The following PXT1 variants were observed in gnomAD, a reference collection of about 807,000 sequenced individuals.
PXT1 encodes peroxisomal testis-specific protein 1.
PXT1 carries 11 observed loss-of-function variants against 11.0 expected under a neutral mutation model. That is an observed-to-expected ratio of 1.00 (90% CI 0.63 to 1.66). The LOEUF (loss-of-function observed/expected upper bound fraction) is 1.66. Among genes scored for constraint, PXT1 ranks in the 40% most tolerant of loss-of-function variants. The pLI, the probability that PXT1 is intolerant of heterozygous loss-of-function variation, is 0.00. For missense variants in PXT1, 141 were observed against 155.5 expected (o/e 0.91, Z 0.49); for synonymous variants, 43 against 51.4 (o/e 0.84, Z 0.70).
At chr6:36,393,969 A>G (rs1262247254) in intron 4 of PXT1, among the ~76,000 whole-genome samples, 1 of 152,202 alleles carries the variant, frequency 6.6e-6, no homozygotes, top group Non-Finnish European at 1.5e-5. Flanking sequence ...AGAGCCTGAC[A>G]TACAGCAGGT....
intron 2 of PXT1, among the ~76,000 whole-genome samples, chr6:36,436,009 T>G (rs1311680353): frequency 1.3e-5 from 2 of 151,758 alleles, no homozygotes; most frequent in African/African-American, 4.8e-5. Context: ...AAAACAAGAC[T>G]GTGCCATAAA....
At chr6:36,423,946 GGTT>G (rs1561931817) in intron 3 of PXT1, among the ~76,000 whole-genome samples, 1 of 152,164 alleles carries the variant, frequency 6.6e-6, no homozygotes, top group Non-Finnish European at 1.5e-5. Context: ...TTAGCTAGTG[GGTT>G]GTTAACTCTA....
At chr6:36,400,010 A>G (rs553368071) in intron 4 of PXT1, among the ~76,000 whole-genome samples, 1 of 152,290 alleles carries the variant, frequency 6.6e-6, no homozygotes, top group East Asian at 1.9e-4. Flanking sequence ...CAATTAAATC[A>G]GAATTTCTCC....
intron 4 of PXT1, among the ~76,000 whole-genome samples, chr6:36,399,588 T>C (rs1582247863): frequency 2.0e-5 from 3 of 152,304 alleles, no homozygotes; most frequent in Middle Eastern, 6.8e-3. Flanking sequence ...GTGGCATGCA[T>C]GGTGGAGGAC....
chr6:36,391,591 G>A lies in PXT1; in HGVS notation c.*179C>T, dbSNP rs371029085. 5.4e-5 allele frequency: 34 copies of A among 625,142 alleles called. No individual in the cohort carries two copies. The highest frequency in any genetic ancestry group is 2.4e-4 in the African/African-American group (13 of 54,056). The allele number at this position is 625,142 out of a possible 1,614,324, so 38.7% of individuals were successfully genotyped here. On this transcript the variant is annotated 3_prime_UTR_variant, in exon 5 of 5. Transcript: ENST00000454782. Reference sequence around the variant, plus strand: ...CAGACATCTCATAGCTAGCTCCTCCGAAGAGACAAATGGCTCGTGAACCCG... The same window carrying A: ...CAGACATCTCATAGCTAGCTCCTCCAAAGAGACAAATGGCTCGTGAACCCG...
intron 2 of PXT1, among the ~76,000 whole-genome samples, chr6:36,426,894 C>T (rs868748043): frequency 2.0e-4 from 30 of 152,210 alleles, no homozygotes; most frequent in African/African-American, 6.5e-4. Flanking sequence ...TTCATACACA[C>T]ACATTCTGTC....
In PXT1 at chr6:36,397,536, A is replaced by C. The variant is rs373938212; in HGVS notation, c.300+2918T>G. 2.0e-5 allele frequency among the ~76,000 whole-genome samples: 3 copies of C among 152,358 alleles called. No homozygotes were observed. In the East Asian group the frequency reaches 5.8e-4, roughly 29 times the overall value. On this transcript the variant is annotated intron_variant, in intron 4 of 4. Transcript: ENST00000454782. ...TAACTTCAAATGGATCAAAGATCTAAATTTAACAATTAAAACTAAAAAGCC... is the reference window on the plus strand; with the variant it reads ...TAACTTCAAATGGATCAAAGATCTACATTTAACAATTAAAACTAAAAAGCC...
chr6:36,406,560 C>T (rs1453561713), intron 3 of PXT1, among the ~76,000 whole-genome samples: 1 of 152,116 alleles, frequency 6.6e-6, no homozygotes, highest in East Asian at 1.9e-4. Flanking sequence ...CACCTGTAAT[C>T]CCAGCACTTT....
At chr6:36,440,501 G>A (rs1427297050) in intron 1 of PXT1, among the ~76,000 whole-genome samples, 1 of 151,954 alleles carries the variant, frequency 6.6e-6, no homozygotes, top group Non-Finnish European at 1.5e-5. Flanking sequence ...ACCTGGGAGG[G>A]GGATTAAGTC....
At chr6:36,407,708 C>T (rs568130629) in intron 3 of PXT1, among the ~76,000 whole-genome samples, 65 of 151,888 alleles carry the variant, frequency 4.3e-4, no homozygotes, top group African/African-American at 1.5e-3. Flanking sequence ...TAAAACACAA[C>T]TTAAGGTCCT....
Position 36,401,615 on chromosome 6 carries a change from C to CA in PXT1, c.170-1032dup, listed in dbSNP as rs140178346. 6.4e-3 allele frequency among the ~76,000 whole-genome samples: 732 copies of CA among 115,002 alleles called. 4 individuals are homozygous for CA. Among genetic ancestry groups the CA allele is most frequent in the South Asian group, 0.019 (67 of 3,552 alleles). The allele number at this position is 115,002 out of a possible 152,430, so 75.4% of individuals were successfully genotyped here. ...TGAGCAACAGAGCAAGACCCTGTCT[C>CA]AAAAAAAAAAAAAAAAAATAGATTC... On this transcript the variant is annotated intron_variant, in intron 3 of 4. Coordinates refer to ENST00000454782, the MANE Select transcript of PXT1 (RefSeq NM_152990.4).
chr6:36,430,791 T>C (rs1774680630), intron 2 of PXT1, among the ~76,000 whole-genome samples: 1 of 152,142 alleles, frequency 6.6e-6, no homozygotes, highest in South Asian at 2.1e-4. Flanking sequence ...TGTCGTTTTA[T>C]TTAATTTTTT....
intron 2 of PXT1, among the ~76,000 whole-genome samples, chr6:36,433,434 A>T (rs887011219): frequency 2.0e-5 from 3 of 152,180 alleles, no homozygotes; most frequent in Non-Finnish European, 4.4e-5. Flanking sequence ...TCATGAGAAG[A>T]TTCTACAAGA....
At chr6:36,427,269 G>A (rs1487610439) in intron 2 of PXT1, among the ~76,000 whole-genome samples, 1 of 152,080 alleles carries the variant, frequency 6.6e-6, no homozygotes, top group Non-Finnish European at 1.5e-5. Context: ...CCAAAGTGCT[G>A]GGATTACAGG....
At chr6:36,395,752 C>T (rs145849012) in intron 4 of PXT1, among the ~76,000 whole-genome samples, 1,969 of 152,178 alleles carry the variant, frequency 0.013, 44 homozygotes, top group African/African-American at 0.045. Context: ...GTAATCCTAG[C>T]ACTTTGGGAG....
chr6:36,394,550 C>T (rs182901608), intron 4 of PXT1, among the ~76,000 whole-genome samples: 11 of 152,040 alleles, frequency 7.2e-5, no homozygotes, highest in African/African-American at 2.2e-4. Flanking sequence ...TACCTAGACC[C>T]GGTGACAACT....
At chr6:36,430,227 T>C (rs1178258773) in intron 2 of PXT1, among the ~76,000 whole-genome samples, 1 of 151,944 alleles carries the variant, frequency 6.6e-6, no homozygotes, top group Non-Finnish European at 1.5e-5. Flanking sequence ...AAAGTAAATC[T>C]CTTATCATTT....
intron 3 of PXT1, among the ~76,000 whole-genome samples, chr6:36,410,988 G>A (rs1256825453): frequency 2.6e-5 from 4 of 152,092 alleles, no homozygotes; most frequent in South Asian, 2.1e-4. Flanking sequence ...TTGTAAAATG[G>A]CAATAGTAAT....
chr6:36,429,726 A>G (rs1171382799), intron 2 of PXT1, among the ~76,000 whole-genome samples: 1 of 150,708 alleles, frequency 6.6e-6, no homozygotes, highest in Non-Finnish European at 1.5e-5. Flanking sequence ...GCTGGTCTCG[A>G]ACTCCTGACC....
Sources: gnomAD v4.1 joint callset for allele counts (sites outside exome capture counted in the v4.1 genomes callset) on GRCh38, gnomAD v4.1.1 for gene constraint, MANE v1.5 for transcripts, NCBI Gene and HGNC (gene_info 2026-07-23, HGNC 2026-07-21) for gene names.